The following TAFA5 variants were observed in gnomAD, a reference collection of about 807,000 sequenced individuals.
TAFA5 encodes chemokine-like protein TAFA-5.
TAFA5 carries 6 observed loss-of-function variants against 15.3 expected under a neutral mutation model. The observed-to-expected ratio is 0.39, with a 90% CI of 0.21 to 0.77. The LOEUF is 0.77. TAFA5 is among the 30% of genes least tolerant of loss of function. The pLI is 0.41. For missense variants in TAFA5, 161 were observed against 193.1 expected, an observed-to-expected ratio of 0.83 and a Z score of 0.98; for synonymous variants, 103 against 80.7, an observed-to-expected ratio of 1.28 and a Z score of -1.48.
At chr22:48,690,377 G>A (rs550981302) in intron 2 of TAFA5, among the ~76,000 whole-genome samples, 1 of 152,128 alleles carries the variant, frequency 6.6e-6, no homozygotes, top group Non-Finnish European at 1.5e-5. Context: ...ATGGAGGACT[G>A]TGGCTCTTTG....
intron 1 of TAFA5, among the ~76,000 whole-genome samples, chr22:48,564,779 C>G (rs374548423): frequency 2.0e-5 from 3 of 152,318 alleles, no homozygotes; most frequent in South Asian, 2.1e-4. Flanking sequence ...AGGGAATGTC[C>G]TGGGGGTTCC....
At chr22:48,621,038 T>A (rs111220667) in intron 1 of TAFA5, among the ~76,000 whole-genome samples, 432 of 11,158 alleles carry the variant, frequency 0.039, no homozygotes, top group Middle Eastern at 0.12. Flanking sequence ...CCATCCACCC[T>A]CCCACCCATC....
chr22:48,668,997 A>G (rs1367619297), intron 2 of TAFA5, among the ~76,000 whole-genome samples: 1 of 152,140 alleles, frequency 6.6e-6, no homozygotes, highest in East Asian at 1.9e-4. Context: ...AGGTGATGGT[A>G]TTTGGGAGGT....
intron 1 of TAFA5, among the ~76,000 whole-genome samples, chr22:48,616,357 G>C (rs982008706): frequency 1.3e-5 from 2 of 152,248 alleles, no homozygotes; most frequent in Non-Finnish European, 2.9e-5. Flanking sequence ...AGGCCCAAGT[G>C]ATCGTGTCTT....
chr22:48,692,600 G>C (rs1928576532), intron 2 of TAFA5, among the ~76,000 whole-genome samples: 1 of 152,182 alleles, frequency 6.6e-6, no homozygotes, highest in African/African-American at 2.4e-5. Flanking sequence ...GTCATAGCCT[G>C]ACAGTCTGAT....
chr22:48,716,943 T>C (rs1016835812), intron 3 of TAFA5, among the ~76,000 whole-genome samples: 1 of 151,966 alleles, frequency 6.6e-6, no homozygotes, highest in East Asian at 1.9e-4. Context: ...AATCAGAAAA[T>C]TGATTCAGGA....
At chr22:48,726,978 G>A (rs957424953) in intron 3 of TAFA5, among the ~76,000 whole-genome samples, 2 of 152,122 alleles carry the variant, frequency 1.3e-5, no homozygotes, top group African/African-American at 2.4e-5. Flanking sequence ...ACATTCAGGT[G>A]TATCTTCCGT....
intron 3 of TAFA5, among the ~76,000 whole-genome samples, chr22:48,749,349 G>A (rs374042299): frequency 5.5e-4 from 84 of 152,302 alleles, no homozygotes; most frequent in African/African-American, 1.9e-3. Context: ...GTAGAGGCCC[G>A]GCGTGGATGG....
chr22:48,528,895 A>G (rs1921867992), intron 1 of TAFA5, among the ~76,000 whole-genome samples: 1 of 152,146 alleles, frequency 6.6e-6, no homozygotes, highest in Non-Finnish European at 1.5e-5. Context: ...ACACAGTCCC[A>G]TTGTAACCTG....
chr22:48,489,695 G>T lies in TAFA5; in HGVS notation c.103G>T (p.Ala35Ser). The T allele has an allele frequency of 6.7e-7, 1 of 1,501,518 alleles. No individual in the cohort carries two copies. Among genetic ancestry groups the T allele is most frequent in the Admixed American group, 2.1e-5 (1 of 47,440 alleles). The allele number at this position is 1,501,518 out of a possible 1,614,324, so 93.0% of individuals were successfully genotyped here. A position where few individuals can be genotyped will look rare whatever the true frequency, so the allele number is the denominator to read the frequency against. The change falls in exon 1 of 4, where the codon GCC becomes TCC. Residue 35 changes from alanine (A) to serine (S), a missense_variant. By Grantham distance (99) the Ala-to-Ser change is moderately conservative (BLOSUM62 1). Transcript: ENST00000402357. The surrounding 1 kb of genome is among the most constrained non-coding windows in gnomAD (Gnocchi z 5.5). ...AFMILASLLIAYCSQLAAGTC... is the reference protein window; with the variant it reads ...AFMILASLLISYCSQLAAGTC... Reference sequence around the variant, plus strand: ...CATGATCCTGGCCAGCCTGCTCATCGCCTACTGCAGTGAGTACCGCGCGGC... The same window carrying T: ...CATGATCCTGGCCAGCCTGCTCATCTCCTACTGCAGTGAGTACCGCGCGGC...
intron 2 of TAFA5, among the ~76,000 whole-genome samples, chr22:48,664,183 G>A (rs1927537531): frequency 6.6e-6 from 1 of 152,174 alleles, no homozygotes; most frequent in Admixed American, 6.5e-5. Context: ...TTGATTGATG[G>A]CAGCTGGGTT....
chr22:48,727,152 T>G (rs1401774595), intron 3 of TAFA5, among the ~76,000 whole-genome samples: 3 of 152,230 alleles, frequency 2.0e-5, no homozygotes, highest in African/African-American at 7.2e-5. Context: ...GTAAGATGAT[T>G]AATGGTGACC....
Position 48,578,722 on chromosome 22 carries a change from T to G in TAFA5, c.113-67875T>G, listed in dbSNP as rs560691454. Among the ~76,000 whole-genome samples the G allele has an allele frequency of 1.9e-3, 290 of 152,330 alleles. 2 individuals are homozygous for G. The highest frequency in any genetic ancestry group is 6.7e-3 in the African/African-American group (277 of 41,586). On this transcript the variant is annotated intron_variant, in intron 1 of 3. Transcript: ENST00000402357. ...CCGGAAGCGGTGGCCTTCACCACCC[T>G]GGGTTGAGCCCTGCTGCCTGTCTGT...
chr22:48,643,379 G>A (rs1368194849), intron 1 of TAFA5, among the ~76,000 whole-genome samples: 1 of 152,214 alleles, frequency 6.6e-6, no homozygotes, highest in Non-Finnish European at 1.5e-5. Flanking sequence ...CGTCCATGGA[G>A]TTTGGTTCGA....
At chr22:48,630,377 G>GT (rs956353817) in intron 1 of TAFA5, among the ~76,000 whole-genome samples, 26 of 152,214 alleles carry the variant, frequency 1.7e-4, no homozygotes, top group African/African-American at 6.0e-4. Flanking sequence ...CCCAGAGCTG[G>GT]TGACAGGCAC....
Position 48,645,768 on chromosome 22 carries a change from C to T in TAFA5, c.113-829C>T, listed in dbSNP as rs532441042. 3.9e-5 allele frequency among the ~76,000 whole-genome samples: 6 copies of T among 152,134 alleles called. No individual in the cohort carries two copies. The East Asian group carries it at 5.8e-4, about 15-fold the overall frequency. Reference sequence around the variant, plus strand: ...GTGTGTACCTGTGTCTGCATGGGCACGTGCACCCCTGGGGAGCATGTCCTC... The same window carrying T: ...GTGTGTACCTGTGTCTGCATGGGCATGTGCACCCCTGGGGAGCATGTCCTC... On this transcript the variant is annotated intron_variant, in intron 1 of 3. Transcript: ENST00000402357.
At chr22:48,510,000 TG>T (rs2035639002) in intron 1 of TAFA5, among the ~76,000 whole-genome samples, 1 of 149,390 alleles carries the variant, frequency 6.7e-6, no homozygotes, top group Non-Finnish European at 1.5e-5. Flanking sequence ...AAAGAAAGAC[TG>T]AAACTAGAGC....
At chr22:48,558,557 C>T (rs138131951) in intron 1 of TAFA5, among the ~76,000 whole-genome samples, 46 of 152,172 alleles carry the variant, frequency 3.0e-4, no homozygotes, top group Non-Finnish European at 4.3e-4. Context: ...TCCTGCCATC[C>T]ATGTGAGCGT....
chr22:48,571,574 G>GTTTTGTTTTTTTTTTTTTTTTTTTT (rs1923586979), intron 1 of TAFA5, among the ~76,000 whole-genome samples: 1 of 29,234 alleles, frequency 3.4e-5, no homozygotes, highest in Non-Finnish European at 6.6e-5. Context: ...TGCCTGGCCT[G>GTTTTGTTTTTTTTTTTTTTTTTTTT]TTTTTTTTTT....
Sources: gnomAD v4.1 joint callset for allele counts (sites outside exome capture counted in the v4.1 genomes callset) on GRCh38, gnomAD v4.1.1 for gene constraint, Gnocchi (gnomAD v3.1) non-coding constraint, MANE v1.5 for transcripts, NCBI Gene and HGNC (gene_info 2026-07-23, HGNC 2026-07-21) for gene names.